The following CCNI variants were observed in gnomAD, a reference collection of about 807,000 sequenced individuals.
The protein encoded by CCNI is cyclin I.
CCNI carries 14 observed loss-of-function variants against 34.1 expected under a neutral mutation model. That is an observed-to-expected ratio of 0.41 (90% confidence interval 0.27 to 0.64). The LOEUF is 0.64. Among genes scored for constraint, CCNI ranks in the 30% least tolerant of loss-of-function variants. The probability of loss-of-function intolerance (pLI) is 0.31; values close to 1 mark genes in which losing one functional copy is unlikely to be tolerated. For synonymous variants in CCNI, 154 were observed against 158.4 expected, an observed-to-expected ratio of 0.97 and a Z score of 0.21; for missense variants, 385 against 440.5, an observed-to-expected ratio of 0.87 and a Z score of 1.13.
intron 3 of CCNI, 117 bp from the exon 4 acceptor site, chr4:77,056,440 T>C (rs887020942): frequency 5.2e-5 from 36 of 689,928 alleles, no homozygotes; most frequent in South Asian, 1.7e-5. Context: ...CAAAATACTA[T>C]GGAATTCAAT....
intron 2 of CCNI, chr4:77,064,692 T>C (rs1728901772): frequency 1.3e-5 from 2 of 151,674 alleles, no homozygotes; most frequent in Admixed American, 6.6e-5. Context: ...TTTTTTTTTT[T>C]TGAGACGGAG....
intron 2 of CCNI, among the ~76,000 whole-genome samples, chr4:77,064,403 C>T (rs1426157250): frequency 6.6e-6 from 1 of 152,084 alleles, no homozygotes; most frequent in Non-Finnish European, 1.5e-5. Context: ...AATGGTCCTA[C>T]AAGCAGCTAT....
intron 1 of CCNI, chr4:77,074,819 C>T (rs919879983): frequency 2.6e-5 from 4 of 152,210 alleles, no homozygotes; most frequent in Admixed American, 1.3e-4. Context: ...TGTTTTGATA[C>T]CCAATTGTCA....
intron 2 of CCNI, among the ~76,000 whole-genome samples, chr4:77,058,964 G>T (rs542701207): frequency 7.2e-6 from 1 of 139,638 alleles, no homozygotes; most frequent in Admixed American, 7.4e-5. Flanking sequence ...TAGTAATTTG[G>T]AGTTAAGTTA....
rs1285532230 is a variant in CCNI at position 77,060,456 on chromosome 4, T to TA, written c.115-1822dup. ...AAATCATGACAATATCTTTGAACTT[T>TA]AATATTCCATATACTTTTTGAGACA... is the stretch of plus-strand genomic sequence containing the variant. On this transcript the variant is annotated intron_variant, in intron 2 of 6. Transcript: ENST00000237654. Among the ~76,000 whole-genome samples, 3 of 152,162 alleles carry TA rather than the reference T, an allele frequency of 2.0e-5. No homozygotes were observed. The South Asian group carries it at 6.2e-4, about 31-fold the overall frequency.
chr4:77,061,668 GTTGTTT>G (rs1560777616), intron 2 of CCNI, among the ~76,000 whole-genome samples: 2 of 151,792 alleles, frequency 1.3e-5, no homozygotes, highest in African/African-American at 4.8e-5. Context: ...CTTTGTTGTT[GTTGTTT>G]TTGTTTTTTG....
At chr4:77,049,357 C>T (rs1461931560) in intron 6 of CCNI, among the ~76,000 whole-genome samples, 1 of 152,200 alleles carries the variant, frequency 6.6e-6, no homozygotes, top group East Asian at 1.9e-4. Flanking sequence ...CTAAATGCCA[C>T]GGTCATCTGT....
At chr4:77,068,142 C>T (rs1023606517) in intron 1 of CCNI, among the ~76,000 whole-genome samples, 1 of 152,118 alleles carries the variant, frequency 6.6e-6, no homozygotes, top group African/African-American at 2.4e-5. Context: ...TGCACCACTG[C>T]ACTCCAGCCT....
chr4:77,057,899 AAT>A (rs1317936213), intron 3 of CCNI, among the ~76,000 whole-genome samples: 1 of 152,240 alleles, frequency 6.6e-6, no homozygotes, highest in East Asian at 1.9e-4. Flanking sequence ...TCTGTACACC[AAT>A]ATGTTAGAAA....
chr4:77,055,124 C>T, intron 6 of CCNI, 26 bp downstream of exon 6: 1 of 1,447,058 alleles, frequency 6.9e-7, no homozygotes, highest in East Asian at 2.3e-5. Flanking sequence ...TTAAAAAGAA[C>T]ACTATTTAAT....
rs1489499095 is a variant in CCNI, at chr4:77,075,734, T to G, written c.-306A>C. On this transcript the variant is annotated 5_prime_UTR_variant, in exon 1 of 7. Transcript: ENST00000237654. ...ATTAGTTCCATGATGACCCCCGGCC[T>G]GAGGCCGCCGCCGCTCGAGCCCGGG... 1 of 208,894 alleles carries G rather than the reference T, an allele frequency of 4.8e-6. No homozygotes were observed. Among genetic ancestry groups the G allele is most frequent in the Non-Finnish European group, 8.3e-6 (1 of 120,566 alleles). 12.9% of individuals were successfully genotyped at this position (208,894 alleles called of 1,614,324 possible).
chr4:77,056,359 A>C (rs760027831), intron 3 of CCNI, 36 bp from the exon 4 acceptor site: 1 of 1,485,964 alleles, frequency 6.7e-7, no homozygotes, highest in Non-Finnish European at 9.4e-7. Context: ...AACTTTAGTG[A>C]TTTTTCAAAA....
At chr4:77,049,462 G>A (rs1578230150) in intron 6 of CCNI, among the ~76,000 whole-genome samples, 1 of 152,128 alleles carries the variant, frequency 6.6e-6, no homozygotes, top group East Asian at 1.9e-4. Context: ...TGGATCGCTT[G>A]AAGCCAGAAG....
In CCNI at chr4:77,066,244, A is replaced by G. The variant is rs902533448; in HGVS notation, c.114+5T>C. ...ATTCATCTGTCTTAAGAGAAAAATC[A>G]TTACCTGATTTGAAGGCATTTTCCG... On this transcript the variant is annotated splice_donor_5th_base_variant and intron_variant, in intron 2 of 6. Coordinates refer to ENST00000237654, the MANE Select transcript of CCNI (RefSeq NM_006835.3). 15 of 1,612,548 alleles carry G rather than the reference A, an allele frequency of 9.3e-6. No homozygotes were observed. Among genetic ancestry groups the G allele is most frequent in the Non-Finnish European group, 1.2e-5 (14 of 1,178,840 alleles).
chr4:77,048,317 CATT>C lies in CCNI; in HGVS notation c.1033_1035del (p.Asn345del), dbSNP rs1246426585. 6.2e-7 allele frequency: 1 copy of C among 1,613,960 alleles called. No individual in the cohort carries two copies. Among genetic ancestry groups the C allele is most frequent in the Non-Finnish European group, 8.5e-7 (1 of 1,180,008 alleles). On this transcript the variant is annotated inframe_deletion, in exon 7 of 7. Transcript: ENST00000237654. ...CACACAGAACCCACATTTTCTGAGA[CATT>C]ATCTTCATTATAGAGCCGTTTGATT... is the stretch of plus-strand genomic sequence containing the variant.
chr4:77,048,267 CTCT>C lies in CCNI; in HGVS notation c.1083_1085del (p.Glu362del). On this transcript the variant is annotated inframe_deletion, in exon 7 of 7. Coordinates refer to ENST00000237654, the MANE Select transcript of CCNI (RefSeq NM_006835.3). ...AAGGTGGACAAGGGGAAGCATGTCC[CTCT>C]TGTCTTGATAAATCAGTGCCACACA... 1 of 1,614,102 alleles carries C rather than the reference CTCT, an allele frequency of 6.2e-7. No individual in the cohort carries two copies. The highest frequency in any genetic ancestry group is 8.5e-7 in the Non-Finnish European group (1 of 1,180,014).
chr4:77,066,122 T>G, intron 2 of CCNI, 127 bp downstream of exon 2: 1 of 715,664 alleles, frequency 1.4e-6, no homozygotes, highest in Non-Finnish European at 2.3e-6. Context: ...ACAGGGAGAG[T>G]CTCTCAAATA....
chr4:77,069,043 T>C (rs1729259920), intron 1 of CCNI, among the ~76,000 whole-genome samples: 2 of 152,204 alleles, frequency 1.3e-5, no homozygotes. Context: ...AAAAGACCTA[T>C]CTCAAAGGTA....
chr4:77,072,628 C>A (rs1354613753), intron 1 of CCNI, among the ~76,000 whole-genome samples: 3 of 126,274 alleles, frequency 2.4e-5, no homozygotes. Context: ...CAAAGTGAGA[C>A]CCAATCTCTT....
Sources: allele counts gnomAD v4.1 joint callset (sites outside exome capture counted in the v4.1 genomes callset), GRCh38; gene constraint gnomAD v4.1.1; transcripts MANE v1.5; gene names NCBI Gene and HGNC (gene_info 2026-07-23, HGNC 2026-07-21).